Variants in ESR2 observed in about 807,000 individuals in gnomAD.
ESR2 encodes the protein estrogen receptor beta.
A neutral mutation model predicts 49.6 loss-of-function variants in ESR2; 36 were observed. The observed-to-expected ratio is 0.73, with a 90% confidence interval of 0.56 to 0.96. The LOEUF is 0.96. Ranked by LOEUF, ESR2 falls within the 40% of genes least tolerant of loss-of-function variation. ESR2 has a pLI of 0.00. For synonymous variants in ESR2, 320 were observed against 266.1 expected (o/e 1.20, Z -1.97); for missense variants, 714 against 693.0 (o/e 1.03, Z -0.34).
intron 3 of ESR2, among the ~76,000 whole-genome samples, chr14:64,269,147 CT>C (rs550501106): frequency 3.4e-4 from 51 of 152,228 alleles, no homozygotes; most frequent in Non-Finnish European, 6.9e-4. Context: ...TCTGCATATT[CT>C]TAGAATTCTC....
intron 7 of ESR2, among the ~76,000 whole-genome samples, chr14:64,247,870 C>T (rs72548757): frequency 5.0e-4 from 76 of 152,266 alleles, no homozygotes; most frequent in African/African-American, 1.8e-3. Context: ...TATTTAATAA[C>T]AGAGAAATGG....
chr14:64,227,517 C>G (rs74604027), downstream of ESR2: 1 of 1,613,176 alleles, frequency 6.2e-7, no homozygotes, highest in South Asian at 1.1e-5. Context: ...TTTAGGCCAC[C>G]GAGTTGATTA....
intron 7 of ESR2, among the ~76,000 whole-genome samples, chr14:64,238,319 A>G (rs1028108989): frequency 2.1e-4 from 32 of 152,192 alleles, no homozygotes; most frequent in African/African-American, 7.7e-4. Flanking sequence ...GCAGTTGTGG[A>G]AAGGCATATG....
intron 1 of ESR2, among the ~76,000 whole-genome samples, chr14:64,325,477 T>C (rs911153141): frequency 1.3e-5 from 2 of 151,924 alleles, no homozygotes; most frequent in African/African-American, 2.4e-5. Flanking sequence ...GAGAAAAAGG[T>C]TTAGGATGTG....
rs58597271 is a variant in ESR2 at position 64,318,537 on chromosome 14, CAAAAAAAAAAAAAAAAAAA to C, written c.-91+19342_-91+19360del. ...GGGCGACAAGAACGAAACTCCATCT[CAAAAAAAAAAAAAAAAAAA>C]AAAAAAAAAAAATTTAAATTATCAA... On this transcript the variant is annotated intron_variant, in intron 1 of 8. Transcript: ENST00000358599. Among the ~76,000 whole-genome samples the C allele has an allele frequency of 3.5e-3, 114 of 32,438 alleles. 2 individuals carry two copies. The highest frequency in any genetic ancestry group is 5.5e-3 in the Admixed American group (10 of 1,826). 21.3% of individuals were successfully genotyped at this position (32,438 alleles called of 152,430 possible).
chr14:64,284,798 T>C (rs1157063932), intron 1 of ESR2, among the ~76,000 whole-genome samples: 1 of 152,192 alleles, frequency 6.6e-6, no homozygotes, highest in African/African-American at 2.4e-5. Context: ...CCAATGCCTT[T>C]TTTCCACTGT....
intron 5 of ESR2, among the ~76,000 whole-genome samples, chr14:64,259,648 A>T (rs1474376275): frequency 6.6e-6 from 1 of 152,190 alleles, no homozygotes; most frequent in Non-Finnish European, 1.5e-5. Context: ...TGGAAAACGC[A>T]GGTTCCAAGT....
chr14:64,230,197 CAAAAA>C lies in ESR2; in HGVS notation c.*2935_*2939del, dbSNP rs34313437. On this transcript the variant is annotated 3_prime_UTR_variant, in exon 9 of 9. Transcript: ENST00000341099. ...GAGCAACAGGAGTCAGACCCTGTCT[CAAAAA>C]AAAAAAAAAAAAGGTGTCAAATCTT... Among the ~76,000 whole-genome samples, 1 of 110,316 alleles carries C rather than the reference CAAAAA, an allele frequency of 9.1e-6. No individual in the cohort carries two copies. The highest frequency in any genetic ancestry group is 1.9e-5 in the Non-Finnish European group (1 of 51,990). 72.4% of individuals were successfully genotyped at this position (110,316 alleles called of 152,430 possible).
At chr14:64,310,661 G>A (rs759759206) in intron 1 of ESR2, among the ~76,000 whole-genome samples, 13 of 151,910 alleles carry the variant, frequency 8.6e-5, no homozygotes, top group Non-Finnish European at 1.5e-4. Flanking sequence ...TAGTAGAGAC[G>A]AGGTTTCATT....
intron 1 of ESR2, among the ~76,000 whole-genome samples, chr14:64,334,326 T>C (rs1266449693): frequency 6.6e-6 from 1 of 152,232 alleles, no homozygotes; most frequent in Non-Finnish European, 1.5e-5. Context: ...ACTGATTGAC[T>C]GAGGATGAAA....
chr14:64,337,507 T>C (rs1208437618), intron 1 of ESR2: 1 of 151,980 alleles, frequency 6.6e-6, no homozygotes, highest in Admixed American at 6.6e-5. Flanking sequence ...CTCTAAAATA[T>C]CCGCTTGTGC....
intron 1 of ESR2, among the ~76,000 whole-genome samples, chr14:64,314,972 C>A (rs559948303): frequency 6.7e-6 from 1 of 150,298 alleles, no homozygotes; most frequent in Non-Finnish European, 1.5e-5. Context: ...ACTGGATGGA[C>A]GCGGTGGCTC....
chr14:64,319,841 A>G (rs187220816), intron 1 of ESR2, among the ~76,000 whole-genome samples: 10 of 152,318 alleles, frequency 6.6e-5, no homozygotes, highest in Admixed American at 6.5e-4. Context: ...GGAAATGCAA[A>G]ATGGAACAGC....
chr14:64,289,013 C>A (rs1382094042), intron 1 of ESR2, among the ~76,000 whole-genome samples: 1 of 150,168 alleles, frequency 6.7e-6, no homozygotes, highest in African/African-American at 2.5e-5. Flanking sequence ...AAAAGGTCAG[C>A]CACCATCAAG....
chr14:64,273,175 G>C (rs1212274926), intron 3 of ESR2, among the ~76,000 whole-genome samples: 1 of 151,912 alleles, frequency 6.6e-6, no homozygotes. Context: ...AAATGCTACT[G>C]ATCCTGCAAC....
rs1567795785 is a variant in ESR2 at position 64,310,314 on chromosome 14, A to ATTATTATTATTATT, written c.-90-27240_-90-27239insAATAATAATAATAA. On this transcript the variant is annotated intron_variant, in intron 1 of 8. Coordinates refer to the ESR2 transcript ENST00000358599. ...TAATAATAATAATAATAATAATAAT[A>ATTATTATTATTATT]ATAATTCTGGGTGTAGAGCAGCTTC... Among the ~76,000 whole-genome samples the ATTATTATTATTATT allele has an allele frequency of 3.4e-5, 5 of 148,002 alleles. No homozygotes were observed. The East Asian group carries it at 9.8e-4, about 29-fold the overall frequency.
chr14:64,292,540 C>A lies in ESR2; in HGVS notation c.-91+1493G>T, dbSNP rs549566209. On this transcript the variant is annotated intron_variant, in intron 1 of 8. Transcript: ENST00000341099. ...TGTGCTAGACACTGAATTATGAAAT[C>A]TAACGTTCAAGCATACAATTCTCAA... Among the ~76,000 whole-genome samples, 4 of 152,240 alleles carry A rather than the reference C, an allele frequency of 2.6e-5. No homozygotes were observed. The South Asian group carries it at 8.3e-4, about 32-fold the overall frequency.
chr14:64,316,541 G>A (rs2077257499), intron 1 of ESR2, among the ~76,000 whole-genome samples: 1 of 152,168 alleles, frequency 6.6e-6, no homozygotes, highest in Non-Finnish European at 1.5e-5. Flanking sequence ...AGGCACGGTG[G>A]CTCTTGCCTG....
chr14:64,328,542 T>C (rs1362550345), intron 1 of ESR2, among the ~76,000 whole-genome samples: 4 of 152,150 alleles, frequency 2.6e-5, no homozygotes, highest in African/African-American at 9.7e-5. Flanking sequence ...GCCTGGGTAG[T>C]AGGATAATAT....
Sources: gnomAD v4.1 joint callset for allele counts (sites outside exome capture counted in the v4.1 genomes callset) on GRCh38, gnomAD v4.1.1 for gene constraint, MANE v1.5 for transcripts, NCBI Gene and HGNC (gene_info 2026-07-23, HGNC 2026-07-21) for gene names.